KDM7A: variants seen among roughly 807,000 people sequenced by gnomAD.
The protein encoded by KDM7A is lysine-specific demethylase 7A.
In KDM7A, 28 loss-of-function variants were observed where a neutral mutation model predicts 114.8. The ratio of observed to expected loss-of-function variants is 0.24; its 90% CI spans 0.18 to 0.33. The LOEUF (loss-of-function observed/expected upper bound fraction) is 0.33. Ranked by LOEUF, KDM7A falls within the 10% of genes least tolerant of loss-of-function variation. The pLI, the probability that KDM7A is intolerant of heterozygous loss-of-function variation, is 1.00. For synonymous variants in KDM7A, 423 were observed against 397.8 expected (o/e 1.06, Z -0.75); for missense variants, 942 against 1,142.5 (o/e 0.82, Z 2.53).
At chr7:140,112,076 T>TAA (rs774655280) in intron 10 of KDM7A, among the ~76,000 whole-genome samples, 2 of 152,264 alleles carry the variant, frequency 1.3e-5, no homozygotes, top group Non-Finnish European at 2.9e-5. Context: ...TTTATCTTGT[T>TAA]AAACAGTTTT....
chr7:140,112,481 C>T (rs377695365), intron 10 of KDM7A, among the ~76,000 whole-genome samples: 8 of 151,884 alleles, frequency 5.3e-5, no homozygotes, highest in African/African-American at 1.9e-4. Flanking sequence ...CGTGGTGGTG[C>T]GTGCCTGTAG....
intron 11 of KDM7A, 145 bp from the exon 12 acceptor site, chr7:140,102,305 A>C: frequency 1.6e-6 from 1 of 641,098 alleles, no homozygotes; most frequent in East Asian, 2.7e-5. Context: ...CCTAAGCTTC[A>C]AACAGCTTTG....
intron 12 of KDM7A, among the ~76,000 whole-genome samples, chr7:140,100,679 T>TATATATATAC (rs1192609907): frequency 1.9e-4 from 12 of 63,996 alleles, no homozygotes; most frequent in Non-Finnish European, 3.5e-4. Context: ...TATATATATA[T>TATATATATAC]ACATATATAC....
At chr7:140,173,170 C>G (rs1794665894) in intron 1 of KDM7A, among the ~76,000 whole-genome samples, 1 of 152,098 alleles carries the variant, frequency 6.6e-6, no homozygotes, top group Non-Finnish European at 1.5e-5. Flanking sequence ...GTACGTCCAC[C>G]AAGAACTCAG....
rs1220720033 is a variant in KDM7A at position 140,086,522 on chromosome 7, A to C, written c.*4572T>G. Reference sequence around the variant, plus strand: ...TTAAGGATATCAAATATTTGACTTTACAGCATGAAAAAGAGGGAAGGGCTT... The same window carrying C: ...TTAAGGATATCAAATATTTGACTTTCCAGCATGAAAAAGAGGGAAGGGCTT... On this transcript the variant is annotated 3_prime_UTR_variant, in exon 20 of 20. Transcript: ENST00000397560. The C allele has an allele frequency of 6.6e-6, 1 of 152,214 alleles. No homozygotes were observed. Among genetic ancestry groups the C allele is most frequent in the Non-Finnish European group, 1.5e-5 (1 of 68,032 alleles). 9.4% of individuals were successfully genotyped at this position (152,214 alleles called of 1,614,324 possible).
At chr7:140,121,567 T>C (rs1263529222) in intron 7 of KDM7A, among the ~76,000 whole-genome samples, 1 of 152,198 alleles carries the variant, frequency 6.6e-6, no homozygotes, top group Non-Finnish European at 1.5e-5. Flanking sequence ...CAGTACTGCC[T>C]GTTCAGGATG....
At chr7:140,164,100 C>T (rs956253100) in intron 1 of KDM7A, among the ~76,000 whole-genome samples, 1 of 152,098 alleles carries the variant, frequency 6.6e-6, no homozygotes, top group South Asian at 2.1e-4. Flanking sequence ...GTGAAATTTT[C>T]GGGGATTTAG....
chr7:140,175,572 C>A (rs1056840612), intron 1 of KDM7A, among the ~76,000 whole-genome samples: 2 of 152,230 alleles, frequency 1.3e-5, no homozygotes, highest in African/African-American at 4.8e-5. Context: ...AGCCCAACCC[C>A]AACTAGTTTC....
chr7:140,156,556 G>A (rs1454597778), intron 1 of KDM7A, among the ~76,000 whole-genome samples: 2 of 152,194 alleles, frequency 1.3e-5, no homozygotes, highest in Admixed American at 6.5e-5. Flanking sequence ...ACACAGAAAG[G>A]GAGGGAGCCC....
intron 3 of KDM7A, among the ~76,000 whole-genome samples, chr7:140,130,743 G>T (rs979175429): frequency 5.3e-5 from 8 of 151,672 alleles, no homozygotes; most frequent in African/African-American, 1.7e-4. Context: ...TCTGCATATT[G>T]AAAGATGACT....
At chr7:140,150,801 A>T (rs1794391249) in intron 1 of KDM7A, among the ~76,000 whole-genome samples, 1 of 151,456 alleles carries the variant, frequency 6.6e-6, no homozygotes, top group African/African-American at 2.4e-5. Flanking sequence ...GGGAAAGTTA[A>T]TGAGTGTGGC....
intron 9 of KDM7A, among the ~76,000 whole-genome samples, chr7:140,118,370 A>C (rs900035070): frequency 6.6e-5 from 10 of 152,260 alleles, no homozygotes; most frequent in Admixed American, 5.2e-4. Context: ...TCAACTATAA[A>C]GACAAGTTCA....
chr7:140,151,143 G>A (rs780642095), intron 1 of KDM7A, among the ~76,000 whole-genome samples: 2 of 151,974 alleles, frequency 1.3e-5, no homozygotes, highest in African/African-American at 4.8e-5. Context: ...AATAACCTCT[G>A]TTCTTAACAA....
At position 140,176,766 on chromosome 7, in the gene KDM7A, A is replaced by G; in HGVS notation, c.172T>C (p.Cys58Arg). 7.1e-7 allele frequency: 1 copy of G among 1,404,642 alleles called. No individual in the cohort carries two copies. The highest frequency in any genetic ancestry group is 9.5e-7 in the Non-Finnish European group (1 of 1,055,804). 87.0% of individuals were successfully genotyped at this position (1,404,642 alleles called of 1,614,324 possible). A position where few individuals can be genotyped will look rare whatever the true frequency, so the allele number is the denominator to read the frequency against. ...TACCTGCCGTGGAACCAGTCCTTGC[A>G]GATATCGCACTCGATCATGAAGCGG... ...VNRFMIECDI[C>R]KDWFHGSCVG... Residue 58 changes from cysteine to arginine, a missense_variant, in exon 1 of 20, where the codon TGC becomes CGC. Around this residue, in one of 4 missense-constraint regions of KDM7A, gnomAD observed 112 missense variants for 96.2 expected, o/e 1.16. Transcript: ENST00000397560. This position sits in a 1 kb window ranked among gnomAD's most constrained non-coding sequence, Gnocchi z 4.4.
chr7:140,174,222 G>A (rs1794676854), intron 1 of KDM7A, among the ~76,000 whole-genome samples: 1 of 151,876 alleles, frequency 6.6e-6, no homozygotes, highest in Admixed American at 6.6e-5. Flanking sequence ...TACTGCTTTT[G>A]TAGGGCAGGA....
At chr7:140,115,946 A>C (rs1393561807) in intron 9 of KDM7A, among the ~76,000 whole-genome samples, 1 of 151,864 alleles carries the variant, frequency 6.6e-6, no homozygotes, top group Non-Finnish European at 1.5e-5. Flanking sequence ...TTCTATCAAT[A>C]ATCAGGGAAA....
At chr7:140,116,678 A>C (rs770463430) in intron 9 of KDM7A, among the ~76,000 whole-genome samples, 12 of 152,240 alleles carry the variant, frequency 7.9e-5, no homozygotes, top group Non-Finnish European at 1.5e-4. Context: ...TGATCTATAT[A>C]ATCAACTATT....
intron 1 of KDM7A, among the ~76,000 whole-genome samples, chr7:140,167,248 A>T (rs1243931054): frequency 6.6e-6 from 1 of 151,992 alleles, no homozygotes; most frequent in Non-Finnish European, 1.5e-5. Context: ...GGTTGATACT[A>T]AAGTTCATAT....
chr7:140,092,114 G>T, intron 18 of KDM7A, 37 bp from the exon 19 acceptor site: 2 of 1,604,490 alleles, frequency 1.2e-6, no homozygotes, highest in South Asian at 1.1e-5. Context: ...TGAATTTTTA[G>T]GGTTTAAATG....
Sources: allele counts gnomAD v4.1 joint callset (sites outside exome capture counted in the v4.1 genomes callset), GRCh38; gene constraint gnomAD v4.1.1; regional missense constraint gnomAD v4.1.1; non-coding constraint Gnocchi (gnomAD v3.1); transcripts MANE v1.5; gene names NCBI Gene and HGNC (gene_info 2026-07-23, HGNC 2026-07-21).